Variants in PDE10A observed in about 807,000 individuals in gnomAD.
The protein encoded by PDE10A is phosphodiesterase 10A.
A neutral mutation model predicts 97.7 loss-of-function variants in PDE10A; 39 were observed. The observed-to-expected ratio is 0.40, with a 90% CI of 0.31 to 0.52. The LOEUF (loss-of-function observed/expected upper bound fraction) is 0.52, where lower values mean the gene tolerates loss of function less well. Ranked by LOEUF, PDE10A falls within the 20% of genes least tolerant of loss-of-function variation. The pLI is 0.56. For synonymous variants in PDE10A, 371 were observed against 376.8 expected (o/e 0.98, Z 0.18); for missense variants, 731 against 1,047.8 (o/e 0.70, Z 4.17).
intron 18 of PDE10A, among the ~76,000 whole-genome samples, chr6:165,360,139 C>T (rs1783309268): frequency 6.6e-6 from 1 of 152,162 alleles, no homozygotes; most frequent in South Asian, 2.1e-4. Flanking sequence ...TGGACAAGCT[C>T]TCTCTACTCT....
Position 165,358,718 on chromosome 6 carries a change from G to T in PDE10A, c.2784-15216C>A, listed in dbSNP as rs548310131. 1.2e-3 allele frequency among the ~76,000 whole-genome samples: 183 copies of T among 151,712 alleles called. 1 individual carries two copies. The highest frequency in any genetic ancestry group is 4.3e-3 in the African/African-American group (177 of 41,436). On this transcript the variant is annotated intron_variant, in intron 18 of 21. Coordinates refer to ENST00000539869, the MANE Select transcript of PDE10A (RefSeq NM_001385079.1). The stretch of plus-strand genomic sequence containing the variant: ...ATTAGGTTCAAATGTACCATCTTGG[G>T]ATTTGTTTTCTATTTGTTGAATCTG...
Position 165,816,156 on chromosome 6 carries a change from A to G in PDE10A, c.-615+171373T>C, listed in dbSNP as rs551060938. 1.1e-4 allele frequency among the ~76,000 whole-genome samples: 17 copies of G among 152,140 alleles called. 3 individuals carry two copies. The highest frequency in any genetic ancestry group is 3.4e-4 in the African/African-American group (14 of 41,514). ...AGTGGAGACGGGGTTTCACCGTGTTAGCCAGGATGCTCTCAATCTCCTGAC... is the reference window on the plus strand; with the variant it reads ...AGTGGAGACGGGGTTTCACCGTGTTGGCCAGGATGCTCTCAATCTCCTGAC... On this transcript the variant is annotated intron_variant, in intron 1 of 19. Coordinates refer to the PDE10A transcript ENST00000366882.
intron 1 of PDE10A, among the ~76,000 whole-genome samples, chr6:165,755,084 G>T (rs1729507715): frequency 6.6e-6 from 1 of 152,144 alleles, no homozygotes; most frequent in Admixed American, 6.5e-5. Context: ...ACACTCTTAA[G>T]CTTCTCTGAC....
chr6:165,587,210 G>C (rs1409560187), intron 1 of PDE10A, among the ~76,000 whole-genome samples: 5 of 152,150 alleles, frequency 3.3e-5, no homozygotes, highest in Admixed American at 2.0e-4. Context: ...AATATCCATG[G>C]AACAGGTCAA....
At chr6:165,837,660 T>C (rs1289308556) in intron 1 of PDE10A, among the ~76,000 whole-genome samples, 4 of 19,370 alleles carry the variant, frequency 2.1e-4, no homozygotes, top group African/African-American at 1.1e-3. Context: ...TCTCTCCTGG[T>C]TTTTTTTTTT....
intron 20 of PDE10A, 62 bp from the exon 21 acceptor site, chr6:165,336,273 T>C (rs1781641986): frequency 3.7e-6 from 4 of 1,086,110 alleles, no homozygotes; most frequent in Non-Finnish European, 5.6e-6. Flanking sequence ...TCCAGTGATA[T>C]TTATATTTCT....
chr6:165,406,820 G>T (rs1399359482), intron 13 of PDE10A, among the ~76,000 whole-genome samples: 1 of 152,140 alleles, frequency 6.6e-6, no homozygotes, highest in Non-Finnish European at 1.5e-5. Context: ...CAAAGGGAAG[G>T]CAAAGTGTCT....
In PDE10A at chr6:165,657,293, C is replaced by A. The variant is rs117763702; in HGVS notation, c.865+4654G>T. On this transcript the variant is annotated intron_variant, in intron 1 of 21. Transcript: ENST00000539869. Reference sequence around the variant, plus strand: ...TGATTTCCTTGCAAGATTATGAGTTCCTCTGTCACTGTGGAGTTTTCCTTT... The same window carrying A: ...TGATTTCCTTGCAAGATTATGAGTTACTCTGTCACTGTGGAGTTTTCCTTT... Among the ~76,000 whole-genome samples, 626 of 152,326 alleles carry A rather than the reference C, an allele frequency of 4.1e-3. 4 individuals are homozygous for A. Among genetic ancestry groups the A allele is most frequent in the Middle Eastern group, 6.8e-3 (2 of 294 alleles).
chr6:165,895,178 A>T (rs982483176), intron 1 of PDE10A, among the ~76,000 whole-genome samples: 1 of 133,740 alleles, frequency 7.5e-6, no homozygotes, highest in South Asian at 2.8e-4. Context: ...AGTACTTGAG[A>T]ATGCAAGTTT....
chr6:165,628,008 A>G (rs1410855420), intron 1 of PDE10A, among the ~76,000 whole-genome samples: 2 of 152,222 alleles, frequency 1.3e-5, no homozygotes, highest in Non-Finnish European at 2.9e-5. Context: ...TGGAATATAA[A>G]CCAATGCCAG....
At chr6:165,557,414 T>C (rs1271357723) in intron 1 of PDE10A, among the ~76,000 whole-genome samples, 5 of 152,172 alleles carry the variant, frequency 3.3e-5, no homozygotes, top group African/African-American at 9.6e-5. Context: ...CTTATGCCCA[T>C]TTAGTAAAAT....
intron 2 of PDE10A, among the ~76,000 whole-genome samples, chr6:165,503,631 T>C (rs1781026435): frequency 6.6e-6 from 1 of 152,134 alleles, no homozygotes; most frequent in South Asian, 2.1e-4. Context: ...GTTCCCTAAG[T>C]TTCCCAATAT....
chr6:165,827,095 G>A lies in PDE10A; in HGVS notation c.-615+160434C>T, dbSNP rs1583156032. 2.6e-5 allele frequency among the ~76,000 whole-genome samples: 4 copies of A among 152,290 alleles called. No homozygotes were observed. In the East Asian group the frequency reaches 7.7e-4, roughly 30 times the overall value. On this transcript the variant is annotated intron_variant, in intron 1 of 19. Coordinates refer to the PDE10A transcript ENST00000366882. ...CGGGTAGGGCACAGGGAATGTCGGG[G>A]CCGACCCGGGAGAGCCTGACTTCCT...
intron 1 of PDE10A, among the ~76,000 whole-genome samples, chr6:165,717,641 A>G (rs1792058708): frequency 6.6e-6 from 1 of 152,042 alleles, no homozygotes; most frequent in African/African-American, 2.4e-5. Flanking sequence ...TCTTTTGAGT[A>G]TATATCCAGA....
intron 13 of PDE10A, among the ~76,000 whole-genome samples, chr6:165,409,151 T>C (rs1461270805): frequency 4.5e-5 from 5 of 111,402 alleles, no homozygotes; most frequent in South Asian, 5.7e-4. Flanking sequence ...GGCGACAGGG[T>C]GAGACTCCAT....
intron 1 of PDE10A, among the ~76,000 whole-genome samples, chr6:165,854,138 G>A (rs959567586): frequency 2.0e-5 from 3 of 152,198 alleles, no homozygotes; most frequent in Admixed American, 6.5e-5. Flanking sequence ...CCCGTGCCAC[G>A]GGCGCAGCGC....
At chr6:165,612,778 A>G (rs751901790) in intron 1 of PDE10A, among the ~76,000 whole-genome samples, 17 of 152,192 alleles carry the variant, frequency 1.1e-4, no homozygotes, top group Non-Finnish European at 1.8e-4. Flanking sequence ...GCCTCACCAC[A>G]TATCTTTTCC....
At chr6:165,975,149 C>A (rs1784811937) in intron 1 of PDE10A, among the ~76,000 whole-genome samples, 1 of 152,222 alleles carries the variant, frequency 6.6e-6, no homozygotes, top group Non-Finnish European at 1.5e-5. Context: ...GATAAACCGC[C>A]TTTCACTTAA....
At chr6:165,786,989 A>C (rs189192234) in intron 1 of PDE10A, among the ~76,000 whole-genome samples, 29 of 152,338 alleles carry the variant, frequency 1.9e-4, no homozygotes, top group African/African-American at 6.7e-4. Flanking sequence ...CATTCCAGAA[A>C]GTATAAGTGA....
Sources: gnomAD v4.1 joint callset for allele counts (sites outside exome capture counted in the v4.1 genomes callset) on GRCh38, gnomAD v4.1.1 for gene constraint, MANE v1.5 for transcripts, NCBI Gene and HGNC (gene_info 2026-07-23, HGNC 2026-07-21) for gene names.